Variants in RP1 observed in about 807,000 individuals in gnomAD.
RP1 encodes the protein RP1 axonemal microtubule associated.
RP1 carries 16 observed loss-of-function variants against 14.8 expected under a neutral mutation model. The observed-to-expected ratio is 1.08, with a 90% CI of 0.73 to 1.65. The LOEUF (loss-of-function observed/expected upper bound fraction) is 1.65, where lower values mean the gene tolerates loss of function less well. Among genes scored for constraint, RP1 ranks in the 40% most tolerant of loss-of-function variants. The pLI, the probability that RP1 is intolerant of heterozygous loss-of-function variation, is 0.00. For missense variants in RP1, 2,631 were observed against 2,535.0 expected (o/e 1.04, Z -0.81); for synonymous variants, 876 against 883.6 (o/e 0.99, Z 0.15).
intron 7 of RP1, chr8:54,663,891 G>A: frequency 1.4e-6 from 2 of 1,461,176 alleles, no homozygotes; most frequent in Non-Finnish European, 9.0e-7. Context: ...ATTAATCATG[G>A]TAAAAACACA....
intron 25 of RP1, among the ~76,000 whole-genome samples, chr8:54,847,505 T>C (rs1022426505): frequency 9.2e-5 from 14 of 152,220 alleles, no homozygotes; most frequent in African/African-American, 3.1e-4. Flanking sequence ...CAGTTCTGAA[T>C]GGTAGAAAGC....
chr8:54,598,160 G>A (rs1377742232), intron 1 of RP1, among the ~76,000 whole-genome samples: 1 of 151,900 alleles, frequency 6.6e-6, no homozygotes, highest in Non-Finnish European at 1.5e-5. Context: ...ATATTCTAAG[G>A]TTTAAGTCTG....
At chr8:54,686,275 A>G (rs1319781628) in intron 12 of RP1, among the ~76,000 whole-genome samples, 1 of 152,124 alleles carries the variant, frequency 6.6e-6, no homozygotes, top group East Asian at 1.9e-4. Context: ...CAGTTTTCAC[A>G]TGCCTGGAAA....
intron 24 of RP1, among the ~76,000 whole-genome samples, chr8:54,786,691 T>C (rs1470872907): frequency 6.6e-6 from 1 of 152,144 alleles, no homozygotes; most frequent in Non-Finnish European, 1.5e-5. Flanking sequence ...TGTGGAGCAC[T>C]GGATTTATGG....
chr8:54,763,903 A>G (rs1809702174), intron 22 of RP1, among the ~76,000 whole-genome samples: 1 of 152,124 alleles, frequency 6.6e-6, no homozygotes, highest in African/African-American at 2.4e-5. Flanking sequence ...TTCAGGATTC[A>G]TGACTTTAAA....
At chr8:54,569,891 G>C (rs191246706) in intron 1 of RP1, among the ~76,000 whole-genome samples, 2 of 152,356 alleles carry the variant, frequency 1.3e-5, no homozygotes. Context: ...GGTGGACACA[G>C]ACAGGCTGGT....
At chr8:54,811,583 TC>T (rs1810996198) in intron 24 of RP1, among the ~76,000 whole-genome samples, 1 of 152,202 alleles carries the variant, frequency 6.6e-6, no homozygotes, top group Non-Finnish European at 1.5e-5. Flanking sequence ...TGCTTCTTCG[TC>T]AGTACATGGC....
chr8:54,624,888 A>G lies in RP1; in HGVS notation c.1006A>G (p.Lys336Glu). 2 of 1,613,936 alleles carry G rather than the reference A, an allele frequency of 1.2e-6. No homozygotes were observed. Among genetic ancestry groups the G allele is most frequent in the Non-Finnish European group, 1.7e-6 (2 of 1,180,008 alleles). Reference protein sequence around the residue: ...NQDGTMTVEMKVRFRIKEEET... With the variant: ...NQDGTMTVEMEVRFRIKEEET... Reference sequence around the variant, plus strand: ...AGACGGCACTATGACAGTTGAGATGAAAGTTCGATTCAGAATAAAAGAGGA... The same window carrying G: ...AGACGGCACTATGACAGTTGAGATGGAAGTTCGATTCAGAATAAAAGAGGA... The change falls in exon 4 of 4, where the codon AAA (lysine) becomes GAA (glutamate). Residue 336 changes from lysine to glutamate, a missense_variant. Transcript: ENST00000220676.
intron 2 of RP1, 98 bp from the exon 3 acceptor site, chr8:54,622,019 A>G: frequency 8.3e-7 from 1 of 1,199,392 alleles, no homozygotes; most frequent in Non-Finnish European, 1.2e-6. Flanking sequence ...ATGTCTTTCA[A>G]GCCTAGGAGG....
intron 6 of RP1, among the ~76,000 whole-genome samples, chr8:54,662,359 G>A (rs1041819631): frequency 1.3e-5 from 2 of 152,004 alleles, no homozygotes; most frequent in African/African-American, 4.8e-5. Context: ...TACAGTTCTT[G>A]GATCTTTCTT....
chr8:54,809,723 G>A (rs1236580836), intron 24 of RP1, among the ~76,000 whole-genome samples: 2 of 152,202 alleles, frequency 1.3e-5, no homozygotes, highest in African/African-American at 4.8e-5. Context: ...TTGATCCCAA[G>A]GACTACATGC....
rs77962972 is a variant in RP1 at position 54,708,817 on chromosome 8, T to C, written c.2211+2162T>C. On this transcript the variant is annotated intron_variant, in intron 15 of 22. Transcript: ENST00000636932. ...GAATCTTTTTGTCCTACACTTAATA[T>C]TCATGCTTTTTCTTCCTATTTGTGC... Among the ~76,000 whole-genome samples the C allele has an allele frequency of 5.4e-3, 820 of 152,290 alleles. 8 individuals are homozygous for C. The highest frequency in any genetic ancestry group is 0.017 in the African/African-American group (691 of 41,562).
At chr8:54,678,325 T>G in intron 8 of RP1, 1 of 607,122 alleles carries the variant, frequency 1.6e-6, no homozygotes, top group Non-Finnish European at 2.7e-6. Context: ...TATTTTGCTT[T>G]ATTTGAAGTA....
chr8:54,804,457 T>A (rs1000192991), intron 24 of RP1, among the ~76,000 whole-genome samples: 1 of 152,324 alleles, frequency 6.6e-6, no homozygotes, highest in East Asian at 1.9e-4. Context: ...CTGAGACTGT[T>A]GTTTGTGTAA....
chr8:54,678,468 T>A (rs1050887615), exon 9 of RP1: 3 of 1,534,138 alleles, frequency 2.0e-6, no homozygotes, highest in Non-Finnish European at 2.6e-6. Flanking sequence ...TAGGAAATGG[T>A]TGGTTTCTTG....
intron 24 of RP1, among the ~76,000 whole-genome samples, chr8:54,835,734 A>G (rs190357696): frequency 2.0e-3 from 308 of 152,314 alleles, no homozygotes; most frequent in Non-Finnish European, 3.7e-3. Context: ...CAGCCAGGGT[A>G]CAAGCAACTA....
intron 25 of RP1, among the ~76,000 whole-genome samples, chr8:54,850,418 T>A (rs1812033764): frequency 6.6e-6 from 1 of 152,238 alleles, no homozygotes; most frequent in Non-Finnish European, 1.5e-5. Flanking sequence ...GTTCATCTCC[T>A]TCTATATATC....
intron 8 of RP1, among the ~76,000 whole-genome samples, chr8:54,676,067 C>A (rs1046503231): frequency 6.6e-6 from 1 of 152,052 alleles, no homozygotes; most frequent in Non-Finnish European, 1.5e-5. Context: ...GGGCTGAGCC[C>A]TCATGACTTA....
At chr8:54,615,024 A>G (rs1035330097), upstream of RP1, among the ~76,000 whole-genome samples, 13 of 152,362 alleles carry the variant, frequency 8.5e-5, no homozygotes, top group Admixed American at 8.5e-4. Context: ...TGGTAATGAT[A>G]CAATTCATGC....
Sources: allele counts gnomAD v4.1 joint callset (sites outside exome capture counted in the v4.1 genomes callset), GRCh38; gene constraint gnomAD v4.1.1; transcripts MANE v1.5; gene names NCBI Gene and HGNC (gene_info 2026-07-23, HGNC 2026-07-21).